Variants in MACROD2 observed in about 807,000 individuals in gnomAD.
MACROD2 encodes ADP-ribose glycohydrolase MACROD2.
A neutral mutation model predicts 70.4 loss-of-function variants in MACROD2; 36 were observed. The ratio of observed to expected loss-of-function variants is 0.51; its 90% CI spans 0.39 to 0.68. The LOEUF is 0.68. MACROD2 is among the 30% of genes least tolerant of loss of function. The pLI is 0.00. For missense variants in MACROD2, 496 were observed against 538.4 expected, an observed-to-expected ratio of 0.92 and a Z score of 0.78; for synonymous variants, 172 against 178.8, an observed-to-expected ratio of 0.96 and a Z score of 0.30.
At chr20:15,294,378 C>A (rs1389271130) in intron 6 of MACROD2, among the ~76,000 whole-genome samples, 4 of 152,170 alleles carry the variant, frequency 2.6e-5, no homozygotes, top group Non-Finnish European at 5.9e-5. Flanking sequence ...TTATTAGGTA[C>A]CTGGGGCTAT....
At chr20:15,987,902 A>G (rs557412596) in intron 15 of MACROD2, among the ~76,000 whole-genome samples, 47 of 152,334 alleles carry the variant, frequency 3.1e-4, no homozygotes, top group African/African-American at 1.1e-3. Context: ...ACAGTATATC[A>G]TAAATCATAC....
At chr20:14,131,550 T>A (rs751035424) in intron 3 of MACROD2, among the ~76,000 whole-genome samples, 47 of 152,198 alleles carry the variant, frequency 3.1e-4, no homozygotes, top group Non-Finnish European at 5.9e-4. Flanking sequence ...TCAGAAGATG[T>A]CAGTTTAAAT....
At position 14,997,762 on chromosome 20, in the gene MACROD2, A is replaced by G. The variant is rs576919547; in HGVS notation, c.419-232178A>G. Among the ~76,000 whole-genome samples, 14 of 152,268 alleles carry G rather than the reference A, an allele frequency of 9.2e-5. No individual in the cohort carries two copies. In the South Asian group the frequency reaches 1.7e-3, roughly 18 times the overall value. ...CTTGGGCCTTGAATCAGCAGTAGCC[A>G]GGCAATAGTCACCATGGGCCCTGGG... is the stretch of plus-strand genomic sequence containing the variant. On this transcript the variant is annotated intron_variant, in intron 5 of 17. Coordinates refer to ENST00000684519, the MANE Select transcript of MACROD2 (RefSeq NM_001351661.2).
At chr20:14,779,588 T>C (rs1222535881) in intron 5 of MACROD2, among the ~76,000 whole-genome samples, 1 of 152,144 alleles carries the variant, frequency 6.6e-6, no homozygotes, top group African/African-American at 2.4e-5. Flanking sequence ...CATATTGTAT[T>C]GTACACTTAA....
intron 6 of MACROD2, among the ~76,000 whole-genome samples, chr20:15,255,893 T>C (rs1285945875): frequency 6.6e-6 from 1 of 152,158 alleles, no homozygotes; most frequent in East Asian, 1.9e-4. Flanking sequence ...TGGAACTGTA[T>C]GGCAACAGAG....
intron 5 of MACROD2, among the ~76,000 whole-genome samples, chr20:14,795,491 T>C (rs1661817442): frequency 6.6e-6 from 1 of 152,104 alleles, no homozygotes; most frequent in African/African-American, 2.4e-5. Flanking sequence ...TGGGTAGATG[T>C]TGATGTCATT....
At chr20:14,713,548 G>A (rs946540324) in intron 5 of MACROD2, among the ~76,000 whole-genome samples, 1 of 152,092 alleles carries the variant, frequency 6.6e-6, no homozygotes, top group Admixed American at 6.5e-5. Flanking sequence ...TAGATTAGGT[G>A]GAGTCCTCCG....
chr20:15,652,119 G>T (rs914395414), intron 8 of MACROD2, among the ~76,000 whole-genome samples: 1 of 152,100 alleles, frequency 6.6e-6, no homozygotes, highest in African/African-American at 2.4e-5. Flanking sequence ...CCTAGACACT[G>T]ATGTCAGAAA....
At chr20:15,046,451 C>A (rs1298058232) in intron 5 of MACROD2, among the ~76,000 whole-genome samples, 2 of 152,204 alleles carry the variant, frequency 1.3e-5, no homozygotes, top group Non-Finnish European at 2.9e-5. Context: ...CCTACCAAAA[C>A]CCTTTAGACG....
chr20:14,272,772 T>C (rs1294433303), intron 3 of MACROD2, among the ~76,000 whole-genome samples: 1 of 152,080 alleles, frequency 6.6e-6, no homozygotes. Flanking sequence ...GAGACACACA[T>C]AAGCTCAAAA....
At chr20:15,293,426 G>C (rs1053145203) in intron 6 of MACROD2, among the ~76,000 whole-genome samples, 1 of 152,150 alleles carries the variant, frequency 6.6e-6, no homozygotes, top group Non-Finnish European at 1.5e-5. Flanking sequence ...GGAACCTTAT[G>C]TTCCAATCCA....
intron 12 of MACROD2, among the ~76,000 whole-genome samples, chr20:15,950,218 C>T (rs1377103487): frequency 1.3e-5 from 2 of 152,138 alleles, no homozygotes; most frequent in South Asian, 2.1e-4. Flanking sequence ...CTCAAATACA[C>T]ATTAATATTT....
intron 5 of MACROD2, among the ~76,000 whole-genome samples, chr20:15,194,473 G>C (rs2076592569): frequency 6.6e-6 from 1 of 151,888 alleles, no homozygotes; most frequent in South Asian, 2.1e-4. Context: ...ACTTACAGAA[G>C]GGTTGTAAAA....
chr20:14,878,474 T>G (rs2073574764), intron 5 of MACROD2, among the ~76,000 whole-genome samples: 1 of 152,106 alleles, frequency 6.6e-6, no homozygotes. Flanking sequence ...AAAGTAAAAC[T>G]ATAAGAATTA....
At chr20:15,306,623 C>T (rs920351225) in intron 6 of MACROD2, among the ~76,000 whole-genome samples, 5 of 152,026 alleles carry the variant, frequency 3.3e-5, no homozygotes, top group Non-Finnish European at 7.4e-5. Context: ...TCCCTGAATC[C>T]TCGTGTATGT....
intron 5 of MACROD2, among the ~76,000 whole-genome samples, chr20:14,793,634 A>C (rs908619203): frequency 3.0e-4 from 46 of 151,992 alleles, no homozygotes; most frequent in African/African-American, 1.1e-3. Flanking sequence ...CAGCAATCCT[A>C]AGGATGGGGG....
chr20:15,919,435 A>G (rs2065368648), intron 10 of MACROD2, among the ~76,000 whole-genome samples: 1 of 152,182 alleles, frequency 6.6e-6, no homozygotes, highest in African/African-American at 2.4e-5. Context: ...TAATTGTTTC[A>G]GGTGACTATT....
chr20:15,797,442 C>A (rs1485803128), intron 8 of MACROD2, among the ~76,000 whole-genome samples: 1 of 152,094 alleles, frequency 6.6e-6, no homozygotes, highest in Admixed American at 6.6e-5. Context: ...TGCTAGTGAC[C>A]CCATGGTTAC....
chr20:15,373,745 T>A (rs960846909), intron 6 of MACROD2, among the ~76,000 whole-genome samples: 6 of 152,186 alleles, frequency 3.9e-5, no homozygotes, highest in African/African-American at 1.4e-4. Context: ...GGATTTTTAT[T>A]GAAATGTCAT....
Sources: gnomAD v4.1 joint callset for allele counts (sites outside exome capture counted in the v4.1 genomes callset) on GRCh38, gnomAD v4.1.1 for gene constraint, MANE v1.5 for transcripts, NCBI Gene and HGNC (gene_info 2026-07-23, HGNC 2026-07-21) for gene names.